Variants in TNFRSF8 observed in about 807,000 individuals in gnomAD.
The protein encoded by TNFRSF8 is TNF receptor superfamily member 8, also known as tumor necrosis factor receptor superfamily member 8.
In TNFRSF8, 26 loss-of-function variants were observed where a neutral mutation model predicts 70.8. The observed-to-expected ratio is 0.37, with a 90% confidence interval of 0.27 to 0.51. The LOEUF (loss-of-function observed/expected upper bound fraction) is 0.51. Ranked by LOEUF, TNFRSF8 falls within the 20% of genes least tolerant of loss-of-function variation. TNFRSF8 has a pLI of 0.94. For synonymous variants in TNFRSF8, 356 were observed against 339.2 expected (o/e 1.05, Z -0.54); for missense variants, 720 against 807.9 (o/e 0.89, Z 1.32).
Position 12,138,178 on chromosome 1 carries a change from T to G in TNFRSF8, c.1336-51T>G. 1.3e-6 allele frequency: 2 copies of G among 1,585,368 alleles called. No homozygotes were observed. Among genetic ancestry groups the G allele is most frequent in the Admixed American group, 3.5e-5 (2 of 57,936 alleles). ...AAAAGGGGCCTCCCAGTTCAGAGAC[T>G]GGTGGGGAGGTTGGGGGTACCCTGC... On this transcript the variant is annotated intron_variant, in intron 13 of 14. Transcript: ENST00000263932. The surrounding 1 kb of genome is among the most constrained non-coding windows in gnomAD (Gnocchi z 5.7).
rs542462017 is a variant in TNFRSF8 at position 12,114,694 on chromosome 1, C to CTTTTTT, written c.794-859_794-854dup. Among the ~76,000 whole-genome samples, 12 of 77,038 alleles carry CTTTTTT rather than the reference C, an allele frequency of 1.6e-4. 1 individual carries two copies. The highest frequency in any genetic ancestry group is 3.9e-4 in the African/African-American group (7 of 17,988). 50.5% of individuals were successfully genotyped at this position (77,038 alleles called of 152,430 possible). On this transcript the variant is annotated intron_variant, in intron 7 of 14. Coordinates refer to ENST00000263932, the MANE Select transcript of TNFRSF8 (RefSeq NM_001243.5). ...TTTTTGCTTTTGGAGGAAAAAAAAT[C>CTTTTTT]TTTTTTTTTTTTTTTTTTTTTTTTT... is the stretch of plus-strand genomic sequence containing the variant.
chr1:12,070,839 G>A (rs984816796), intron 1 of TNFRSF8, among the ~76,000 whole-genome samples: 3 of 152,194 alleles, frequency 2.0e-5, no homozygotes, highest in African/African-American at 7.2e-5. Flanking sequence ...TACCAGTGGG[G>A]GTTGGGTGTT....
In TNFRSF8 at chr1:12,144,115, A is replaced by G. The variant is rs1394808393; in HGVS notation, c.*1584A>G. On this transcript the variant is annotated 3_prime_UTR_variant, in exon 15 of 15. Transcript: ENST00000263932. The stretch of plus-strand genomic sequence containing the variant: ...GGCGCCCATGATGGGAGGGATTGAC[A>G]TGTTTCAACAAAATAATGCACTTCC... 1.3e-5 allele frequency: 2 copies of G among 152,376 alleles called. No homozygotes were observed. The highest frequency in any genetic ancestry group is 1.5e-5 in the Non-Finnish European group (1 of 68,052). 9.4% of individuals were successfully genotyped at this position (152,376 alleles called of 1,614,324 possible).
chr1:12,121,134 CACTGATTCAAAT>C (rs1490133562), intron 8 of TNFRSF8, among the ~76,000 whole-genome samples: 1 of 152,210 alleles, frequency 6.6e-6, no homozygotes, highest in Admixed American at 6.5e-5. Flanking sequence ...ACCTTTCAAA[CACTGATTCAAAT>C]ACTGATTAAC....
Position 12,142,262 on chromosome 1 carries a change from G to T in TNFRSF8, c.1544-25G>T. 1 of 1,551,808 alleles carries T rather than the reference G, an allele frequency of 6.4e-7. No homozygotes were observed. The highest frequency in any genetic ancestry group is 8.7e-7 in the Non-Finnish European group (1 of 1,144,576). On this transcript the variant is annotated intron_variant, in intron 14 of 14. Transcript: ENST00000263932. The surrounding 1 kb of genome is among the most constrained non-coding windows in gnomAD (Gnocchi z 5.0). ...CCTGGCTGGTGCTCTGGCCTCCCTC[G>T]CTCACCCATCCTTTTGCCTTGCAGA...
chr1:12,076,437 G>A (rs1640969387), intron 1 of TNFRSF8, among the ~76,000 whole-genome samples: 1 of 152,130 alleles, frequency 6.6e-6, no homozygotes, highest in African/African-American at 2.4e-5. Context: ...TCTTTGGTAA[G>A]CCGCTTTTCA....
chr1:12,121,852 T>G (rs1641834309), intron 8 of TNFRSF8, among the ~76,000 whole-genome samples: 1 of 152,202 alleles, frequency 6.6e-6, no homozygotes. Context: ...AGCGAACGGG[T>G]ATGTAAACAG....
rs1642181259 is a variant in TNFRSF8, at chr1:12,138,147, A to G, written c.1336-82A>G. 1.3e-5 allele frequency: 13 copies of G among 1,010,314 alleles called. No individual in the cohort carries two copies. The highest frequency in any genetic ancestry group is 1.9e-5 in the African/African-American group (1 of 51,918). 62.6% of individuals were successfully genotyped at this position (1,010,314 alleles called of 1,614,324 possible). On this transcript the variant is annotated intron_variant, in intron 13 of 14. Coordinates refer to ENST00000263932, the MANE Select transcript of TNFRSF8 (RefSeq NM_001243.5). The surrounding 1 kb of genome is among the most constrained non-coding windows in gnomAD (Gnocchi z 5.7). ...GGACTCACTGGGGTCTGTAGAGATG[A>G]AAAAAAAAAGGGGCCTCCCAGTTCA...
chr1:12,111,621 A>G (rs4845896), intron 6 of TNFRSF8, among the ~76,000 whole-genome samples: 50,893 of 151,982 alleles, frequency 0.33, 9,497 homozygotes, highest in African/African-American at 0.5. Context: ...TGACAGAGCC[A>G]TGAGACAGGG....
rs970365104 is a variant in TNFRSF8, at chr1:12,142,439, G to C, written c.1696G>C (p.Glu566Gln). 6.2e-7 allele frequency: 1 copy of C among 1,610,034 alleles called. No homozygotes were observed. The highest frequency in any genetic ancestry group is 1.3e-5 in the African/African-American group (1 of 75,050). Residue 566 changes from glutamate (E) to glutamine (Q), a missense_variant, in exon 15 of 15, where the codon GAA becomes CAA. By Grantham distance (29) the Glu-to-Gln change is conservative (BLOSUM62 2). Coordinates refer to ENST00000263932, the MANE Select transcript of TNFRSF8 (RefSeq NM_001243.5). This position sits in a 1 kb window ranked among gnomAD's most constrained non-coding sequence, Gnocchi z 5.0. ...HTPHYPEQET[E>Q]PPLGSCSDVM... is the part of the protein sequence containing the mutation. ...CCCCCACTACCCCGAGCAGGAGACA[G>C]AACCGCCTCTGGGCAGCTGCAGCGA...
rs1641576051 is a variant in TNFRSF8 at position 12,108,900 on chromosome 1, T to C, written c.422-666T>C. On this transcript the variant is annotated intron_variant, in intron 4 of 14. Coordinates refer to ENST00000263932, the MANE Select transcript of TNFRSF8 (RefSeq NM_001243.5). This position sits in a 1 kb window ranked among gnomAD's most constrained non-coding sequence, Gnocchi z 4.0. ...AAACTGAGGGGCACTGGCTAGACGA[T>C]GTGTGTGTTTTCTTCTCCACTCTGC... 6.6e-6 allele frequency among the ~76,000 whole-genome samples: 1 copy of C among 152,180 alleles called. No individual in the cohort carries two copies. The highest frequency in any genetic ancestry group is 2.4e-5 in the African/African-American group (1 of 41,448).
At chr1:12,134,214 G>A (rs1192399029) in intron 12 of TNFRSF8, among the ~76,000 whole-genome samples, 1 of 152,220 alleles carries the variant, frequency 6.6e-6, no homozygotes, top group East Asian at 1.9e-4. Context: ...AGTCAGAGAT[G>A]TGTGCAGGAG....
Position 12,088,786 on chromosome 1 carries a change from G to C in TNFRSF8, c.151+4235G>C, listed in dbSNP as rs938844378. On this transcript the variant is annotated intron_variant, in intron 2 of 14. Coordinates refer to ENST00000263932, the MANE Select transcript of TNFRSF8 (RefSeq NM_001243.5). The surrounding 1 kb of genome is among the most constrained non-coding windows in gnomAD (Gnocchi z 4.0). ...AGGAAGGAGGAGGAGGAGGGGGTTT[G>C]TGGGTTCCCCCAGCTTCCGCTGCCC... Among the ~76,000 whole-genome samples, 1 of 152,252 alleles carries C rather than the reference G, an allele frequency of 6.6e-6. No homozygotes were observed. Among genetic ancestry groups the C allele is most frequent in the African/African-American group, 2.4e-5 (1 of 41,464 alleles).
At chr1:12,120,596 T>C (rs1302509861) in intron 8 of TNFRSF8, among the ~76,000 whole-genome samples, 1 of 152,226 alleles carries the variant, frequency 6.6e-6, no homozygotes, top group East Asian at 1.9e-4. Context: ...GCTGAGACAA[T>C]TCTTTAAATG....
At position 12,113,769 on chromosome 1, in the gene TNFRSF8, A is replaced by AAGAG. The variant is rs755033585; in HGVS notation, c.793+1767_793+1770dup. Among the ~76,000 whole-genome samples the AAGAG allele has an allele frequency of 6.7e-6, 1 of 150,134 alleles. No homozygotes were observed. Among genetic ancestry groups the AAGAG allele is most frequent in the Non-Finnish European group, 1.5e-5 (1 of 67,192 alleles). On this transcript the variant is annotated intron_variant, in intron 7 of 14. Coordinates refer to ENST00000263932, the MANE Select transcript of TNFRSF8 (RefSeq NM_001243.5). The surrounding 1 kb of genome is among the most constrained non-coding windows in gnomAD (Gnocchi z 4.9). ...AGAGAAAGAGAGAGAGAGAGACAGA[A>AAGAG]AGAGAGAGAGAGAGACAGACAGAGG...
intron 1 of TNFRSF8, among the ~76,000 whole-genome samples, chr1:12,078,645 C>T (rs567479529): frequency 1.2e-4 from 18 of 152,108 alleles, no homozygotes; most frequent in South Asian, 6.2e-4. Flanking sequence ...CAGCACCCCC[C>T]CACCCCAGGC....
chr1:12,119,910 C>A lies in TNFRSF8; in HGVS notation c.947-3374C>A, dbSNP rs571693142. Reference sequence around the variant, plus strand: ...AAAGCTGGATACCTCTGGTCTGATACAACCCCTTCGTTTTACACCCAGAGA... The same window carrying A: ...AAAGCTGGATACCTCTGGTCTGATAAAACCCCTTCGTTTTACACCCAGAGA... On this transcript the variant is annotated intron_variant, in intron 8 of 14. Transcript: ENST00000263932. The surrounding 1 kb of genome is among the most constrained non-coding windows in gnomAD (Gnocchi z 4.4). Among the ~76,000 whole-genome samples the A allele has an allele frequency of 1.3e-5, 2 of 152,278 alleles. No homozygotes were observed. The highest frequency in any genetic ancestry group is 2.1e-4 in the South Asian group (1 of 4,828).
chr1:12,086,830 A>G (rs947906656), intron 2 of TNFRSF8, among the ~76,000 whole-genome samples: 2 of 151,250 alleles, frequency 1.3e-5, no homozygotes, highest in African/African-American at 2.4e-5. Context: ...TATGCCACCA[A>G]TCCCCCTGGA....
intron 6 of TNFRSF8, among the ~76,000 whole-genome samples, 178 bp from the exon 7 acceptor site, chr1:12,111,720 T>G (rs1215955189): frequency 6.6e-6 from 1 of 152,138 alleles, no homozygotes; most frequent in Non-Finnish European, 1.5e-5. Flanking sequence ...TCGTGTGGAA[T>G]GCACGCAGCA....
Sources: allele counts gnomAD v4.1 joint callset (sites outside exome capture counted in the v4.1 genomes callset), GRCh38; gene constraint gnomAD v4.1.1; non-coding constraint Gnocchi (gnomAD v3.1); transcripts MANE v1.5; gene names NCBI Gene and HGNC (gene_info 2026-07-23, HGNC 2026-07-21).